KCNH5: variants seen among roughly 807,000 people sequenced by gnomAD.
The protein encoded by KCNH5 is potassium voltage-gated channel subfamily H member 5, also known as voltage-gated delayed rectifier potassium channel KCNH5.
KCNH5 carries 46 observed loss-of-function variants against 96.1 expected under a neutral mutation model. The ratio of observed to expected loss-of-function variants is 0.48; its 90% CI spans 0.38 to 0.61. The LOEUF is 0.61. KCNH5 is among the 20% of genes least tolerant of loss of function. KCNH5 has a pLI of 0.00. For missense variants in KCNH5, 907 were observed against 1,225.8 expected (o/e 0.74, Z 3.88); for synonymous variants, 439 against 449.8 (o/e 0.98, Z 0.30).
intron 10 of KCNH5, chr14:62,712,757 G>T (rs1401716490): frequency 1.3e-6 from 1 of 766,640 alleles, no homozygotes; most frequent in Admixed American, 1.8e-5. Context: ...CTGTATACTT[G>T]CTGGGAAAGC....
At chr14:62,986,754 C>T (rs368014892) in intron 5 of KCNH5, among the ~76,000 whole-genome samples, 3 of 152,212 alleles carry the variant, frequency 2.0e-5, no homozygotes, top group Admixed American at 2.0e-4. Context: ...TGCAGAGTGC[C>T]AAGCACAGAG....
rs1460132056 is a variant in KCNH5, at chr14:62,702,359, T to C, written c.*5149A>G. The C allele has an allele frequency of 6.6e-6, 1 of 152,056 alleles. No individual in the cohort carries two copies. The highest frequency in any genetic ancestry group is 1.9e-4 in the East Asian group (1 of 5,196). The allele number at this position is 152,056 out of a possible 1,614,324, so 9.4% of individuals were successfully genotyped here. On this transcript the variant is annotated 3_prime_UTR_variant, in exon 11 of 11. Coordinates refer to ENST00000322893, the MANE Select transcript of KCNH5 (RefSeq NM_139318.5). ...CGAGTGCAATTTTTAAGAATTATTT[T>C]AAGAAATCTTTAAAAGTATGTGTCT...
chr14:62,843,719 C>A (rs1434295460), intron 8 of KCNH5, among the ~76,000 whole-genome samples: 1 of 152,092 alleles, frequency 6.6e-6, no homozygotes, highest in African/African-American at 2.4e-5. Flanking sequence ...CCCTACATGG[C>A]TTTTAAATAC....
intron 7 of KCNH5, among the ~76,000 whole-genome samples, chr14:62,869,166 A>G (rs1408808211): frequency 5.3e-5 from 8 of 152,108 alleles, no homozygotes; most frequent in Non-Finnish European, 1.0e-4. Flanking sequence ...GTGTAAAAGC[A>G]TTCCTATTTC....
chr14:62,847,948 A>G (rs1887731568), intron 8 of KCNH5, among the ~76,000 whole-genome samples: 1 of 152,198 alleles, frequency 6.6e-6, no homozygotes, highest in Admixed American at 6.5e-5. Context: ...GCATGTCCTC[A>G]AGGGGAGGCT....
intron 6 of KCNH5, among the ~76,000 whole-genome samples, chr14:62,954,268 A>C: frequency 6.6e-6 from 1 of 151,034 alleles, no homozygotes; most frequent in African/African-American, 2.4e-5. Context: ...TTATTGTCAT[A>C]CTCTCCCCCG....
chr14:62,918,472 G>T (rs1020299281), intron 7 of KCNH5, among the ~76,000 whole-genome samples: 1 of 151,996 alleles, frequency 6.6e-6, no homozygotes, highest in Non-Finnish European at 1.5e-5. Context: ...TTTGCAACAC[G>T]TAAGATAAAC....
chr14:62,736,827 TTC>T (rs770652997), intron 10 of KCNH5, among the ~76,000 whole-genome samples: 1 of 152,210 alleles, frequency 6.6e-6, no homozygotes, highest in Non-Finnish European at 1.5e-5. Context: ...CATGTTTCTT[TTC>T]TCTTTCTTTA....
At chr14:63,006,493 A>G (rs1319259286) in intron 2 of KCNH5, 21 bp from the exon 3 acceptor site, 2 of 1,396,322 alleles carry the variant, frequency 1.4e-6, no homozygotes. Context: ...AAAAAAACAA[A>G]CAATCGATTT....
chr14:62,906,006 C>G (rs1459514775), intron 7 of KCNH5, among the ~76,000 whole-genome samples: 1 of 152,182 alleles, frequency 6.6e-6, no homozygotes, highest in Non-Finnish European at 1.5e-5. Context: ...AAAAAGGTAG[C>G]ACATCTAAGG....
At chr14:62,745,655 T>C (rs1429307383) in intron 10 of KCNH5, among the ~76,000 whole-genome samples, 1 of 151,998 alleles carries the variant, frequency 6.6e-6, no homozygotes, top group Non-Finnish European at 1.5e-5. Flanking sequence ...GTTGGTGAGG[T>C]TGGAAGAATA....
At chr14:62,948,421 A>C (rs111589514) in intron 7 of KCNH5, among the ~76,000 whole-genome samples, 8,556 of 152,004 alleles carry the variant, frequency 0.056, 809 homozygotes, top group African/African-American at 0.19. Context: ...GAAATGGATA[A>C]ATTCCTTGAC....
At chr14:62,945,400 T>C (rs1889867318) in intron 7 of KCNH5, among the ~76,000 whole-genome samples, 1 of 152,194 alleles carries the variant, frequency 6.6e-6, no homozygotes, top group Admixed American at 6.5e-5. Context: ...TACTTGATCG[T>C]AGATCTAACT....
At chr14:62,850,248 C>A (rs1887778343) in intron 7 of KCNH5, among the ~76,000 whole-genome samples, 1 of 152,168 alleles carries the variant, frequency 6.6e-6, no homozygotes, top group African/African-American at 2.4e-5. Flanking sequence ...AATTTAAATT[C>A]TTCAGGGATT....
At chr14:62,877,652 C>G (rs1263286287) in intron 7 of KCNH5, among the ~76,000 whole-genome samples, 3 of 152,038 alleles carry the variant, frequency 2.0e-5, no homozygotes, top group East Asian at 3.9e-4. Context: ...GAGATACCAT[C>G]TCACACCAGT....
At chr14:62,870,017 A>G (rs1159853076) in intron 7 of KCNH5, among the ~76,000 whole-genome samples, 1 of 152,218 alleles carries the variant, frequency 6.6e-6, no homozygotes, top group African/African-American at 2.4e-5. Context: ...TTTTGCACCA[A>G]CTGAATACAT....
chr14:62,877,561 A>G (rs952406411), intron 7 of KCNH5, among the ~76,000 whole-genome samples: 1 of 152,256 alleles, frequency 6.6e-6, no homozygotes, highest in Non-Finnish European at 1.5e-5. Context: ...TCTCAAAACA[A>G]GACATTTATG....
rs1888901483 is a variant in KCNH5 at position 62,900,403 on chromosome 14, CAAG to C, written c.1369+49727_1369+49729del. On this transcript the variant is annotated intron_variant, in intron 7 of 10. Transcript: ENST00000322893. ...TTATATATACTTTTATGTGTATGCA[CAAG>C]AAGAATATATGGCAAAATTATGTCT... is the stretch of plus-strand genomic sequence containing the variant. 2.6e-5 allele frequency among the ~76,000 whole-genome samples: 4 copies of C among 152,158 alleles called. No individual in the cohort carries two copies. In the South Asian group the frequency reaches 8.3e-4, roughly 32 times the overall value.
intron 7 of KCNH5, among the ~76,000 whole-genome samples, chr14:62,933,700 A>G (rs1365277159): frequency 6.6e-6 from 1 of 152,222 alleles, no homozygotes; most frequent in Non-Finnish European, 1.5e-5. Context: ...CATGAAGATC[A>G]AGGAATTTCC....
Sources: gnomAD v4.1 joint callset for allele counts (sites outside exome capture counted in the v4.1 genomes callset) on GRCh38, gnomAD v4.1.1 for gene constraint, MANE v1.5 for transcripts, NCBI Gene and HGNC (gene_info 2026-07-23, HGNC 2026-07-21) for gene names.